Variants in TAFA2 observed in about 807,000 individuals in gnomAD.
TAFA2 encodes the protein chemokine-like protein TAFA-2.
TAFA2 carries 7 observed loss-of-function variants against 18.8 expected under a neutral mutation model. The observed-to-expected ratio is 0.37, with a 90% CI of 0.21 to 0.70. TAFA2 has a LOEUF of 0.70. Among genes scored for constraint, TAFA2 ranks in the 30% least tolerant of loss-of-function variants. The pLI, the probability that TAFA2 is intolerant of heterozygous loss-of-function variation, is 0.53. For missense variants in TAFA2, 122 were observed against 158.1 expected, an observed-to-expected ratio of 0.77 and a Z score of 1.23; for synonymous variants, 60 against 54.2, an observed-to-expected ratio of 1.11 and a Z score of -0.47.
intron 4 of TAFA2, among the ~76,000 whole-genome samples, chr12:61,722,159 A>T (rs1013513023): frequency 9.2e-5 from 14 of 152,184 alleles, no homozygotes; most frequent in African/African-American, 3.1e-4. Flanking sequence ...TGGTTGTATA[A>T]GTTAAAAGTA....
intron 1 of TAFA2, among the ~76,000 whole-genome samples, chr12:61,985,762 A>G (rs1291726628): frequency 6.6e-6 from 1 of 152,150 alleles, no homozygotes; most frequent in East Asian, 1.9e-4. Flanking sequence ...TTTCCACGGA[A>G]TTATGATTTT....
intron 1 of TAFA2, among the ~76,000 whole-genome samples, chr12:62,162,283 T>C (rs1046903297): frequency 5.3e-5 from 8 of 152,204 alleles, no homozygotes; most frequent in Non-Finnish European, 1.0e-4. Context: ...AAATTTATTT[T>C]TCCTTTACAT....
At chr12:61,865,919 C>T (rs34884798) in intron 2 of TAFA2, among the ~76,000 whole-genome samples, 1 of 151,762 alleles carries the variant, frequency 6.6e-6, no homozygotes, top group African/African-American at 2.4e-5. Flanking sequence ...GTTAAGTCCA[C>T]GGCAGGGCTT....
At chr12:61,733,449 A>G (rs1188851919) in intron 4 of TAFA2, among the ~76,000 whole-genome samples, 1 of 151,942 alleles carries the variant, frequency 6.6e-6, no homozygotes, top group Admixed American at 6.6e-5. Context: ...TAATTTTTGT[A>G]TAAGATGTAA....
chr12:62,163,401 C>A (rs1248117582), intron 1 of TAFA2, among the ~76,000 whole-genome samples: 1 of 152,126 alleles, frequency 6.6e-6, no homozygotes, highest in African/African-American at 2.4e-5. Flanking sequence ...TGCTTTATCT[C>A]CATAACAGCT....
chr12:62,094,872 A>G (rs1868879080), intron 1 of TAFA2, among the ~76,000 whole-genome samples: 1 of 152,116 alleles, frequency 6.6e-6, no homozygotes, highest in African/African-American at 2.4e-5. Context: ...GAGAATATTC[A>G]CCAAATTATC....
intron 1 of TAFA2, among the ~76,000 whole-genome samples, chr12:62,077,510 C>T (rs1322517714): frequency 6.6e-6 from 1 of 152,188 alleles, no homozygotes; most frequent in Non-Finnish European, 1.5e-5. Flanking sequence ...GGATCAGCAT[C>T]AAGTGTGGCC....
At chr12:61,800,600 G>T (rs1871362755) in intron 2 of TAFA2, among the ~76,000 whole-genome samples, 1 of 152,066 alleles carries the variant, frequency 6.6e-6, no homozygotes, top group Non-Finnish European at 1.5e-5. Flanking sequence ...AAGTATGGAG[G>T]TCATTAGCAA....
At chr12:61,925,148 C>A (rs1244938332) in intron 1 of TAFA2, among the ~76,000 whole-genome samples, 1 of 152,130 alleles carries the variant, frequency 6.6e-6, no homozygotes. Flanking sequence ...GAGACATTAA[C>A]ACCCCACTGT....
intron 1 of TAFA2, among the ~76,000 whole-genome samples, chr12:61,938,230 TAAAAAAAAAAA>T (rs1157161976): frequency 1.0e-5 from 1 of 98,484 alleles, no homozygotes; most frequent in Non-Finnish European, 2.0e-5. Flanking sequence ...ATAGATATGG[TAAAAAAAAAAA>T]AAAAAAAAAA....
At chr12:61,795,767 A>T (rs1871162645) in intron 2 of TAFA2, among the ~76,000 whole-genome samples, 3 of 151,854 alleles carry the variant, frequency 2.0e-5, no homozygotes, top group Admixed American at 2.0e-4. Context: ...AAATGCAAAA[A>T]AATAAATAAA....
chr12:62,097,175 G>A lies in TAFA2; in HGVS notation c.-2+94084C>T, dbSNP rs1320099039. Reference sequence around the variant, plus strand: ...AACCAAAAAGACATGATCTCTAATTGCAAGGAGCTTAAAATGCAGAGTAGA... The same window carrying A: ...AACCAAAAAGACATGATCTCTAATTACAAGGAGCTTAAAATGCAGAGTAGA... On this transcript the variant is annotated intron_variant, in intron 1 of 4. Coordinates refer to ENST00000416284, the MANE Select transcript of TAFA2 (RefSeq NM_178539.5). Among the ~76,000 whole-genome samples, 7 of 152,118 alleles carry A rather than the reference G, an allele frequency of 4.6e-5. No homozygotes were observed. In the East Asian group the frequency reaches 5.8e-4, roughly 13 times the overall value.
chr12:62,223,212 C>G (rs1387396139), intron 1 of TAFA2, among the ~76,000 whole-genome samples: 1 of 151,906 alleles, frequency 6.6e-6, no homozygotes, highest in Non-Finnish European at 1.5e-5. Flanking sequence ...ACTTTGTCAC[C>G]CAGGCTGGAA....
At chr12:62,004,818 T>C (rs1255501308) in intron 1 of TAFA2, among the ~76,000 whole-genome samples, 1 of 152,048 alleles carries the variant, frequency 6.6e-6, no homozygotes, top group Admixed American at 6.5e-5. Context: ...GAAAATGTGG[T>C]ACAGATACAT....
At chr12:62,010,594 A>C (rs1408634160) in intron 1 of TAFA2, among the ~76,000 whole-genome samples, 3 of 150,812 alleles carry the variant, frequency 2.0e-5, no homozygotes, top group Admixed American at 6.6e-5. Flanking sequence ...TGGGAAGTGG[A>C]GAGCGTCTCT....
chr12:61,825,185 A>T (rs1347212618), intron 2 of TAFA2, among the ~76,000 whole-genome samples: 1 of 152,162 alleles, frequency 6.6e-6, no homozygotes, highest in South Asian at 2.1e-4. Flanking sequence ...TACAGAACAT[A>T]GTGTCAATTA....
chr12:62,001,367 T>C (rs781354331), intron 1 of TAFA2, among the ~76,000 whole-genome samples: 16 of 152,098 alleles, frequency 1.1e-4, no homozygotes, highest in Non-Finnish European at 4.4e-5. Context: ...ATTTCTATTA[T>C]TATTACATTG....
intron 2 of TAFA2, among the ~76,000 whole-genome samples, chr12:61,767,505 A>G (rs1869841160): frequency 6.6e-6 from 1 of 152,010 alleles, no homozygotes. Flanking sequence ...CATATGTGGT[A>G]TGCTTTGAAG....
intron 1 of TAFA2, among the ~76,000 whole-genome samples, chr12:62,155,598 C>T (rs2062363531): frequency 6.6e-6 from 1 of 152,106 alleles, no homozygotes; most frequent in Non-Finnish European, 1.5e-5. Flanking sequence ...AAAATAGGCA[C>T]ATAGACCAAT....
Sources: gnomAD v4.1 joint callset for allele counts (sites outside exome capture counted in the v4.1 genomes callset) on GRCh38, gnomAD v4.1.1 for gene constraint, MANE v1.5 for transcripts, NCBI Gene and HGNC (gene_info 2026-07-23, HGNC 2026-07-21) for gene names.